TULP3: variants seen among roughly 807,000 people sequenced by gnomAD.
TULP3 encodes tubby-related protein 3.
A neutral mutation model predicts 50.7 loss-of-function variants in TULP3; 38 were observed. The observed-to-expected ratio is 0.75, with a 90% confidence interval of 0.58 to 0.98. The LOEUF is 0.98. TULP3 is among the 50% of genes least tolerant of loss of function. The pLI, the probability that TULP3 is intolerant of heterozygous loss-of-function variation, is 0.00. For missense variants in TULP3, 550 were observed against 568.0 expected (o/e 0.97, Z 0.32); for synonymous variants, 183 against 196.6 (o/e 0.93, Z 0.58).
intron 1 of TULP3, among the ~76,000 whole-genome samples, chr12:2,893,359 G>A (rs761370364): frequency 8.5e-5 from 11 of 129,230 alleles, no homozygotes; most frequent in East Asian, 2.5e-4. Flanking sequence ...ACGGAGTTTC[G>A]CTCTCGTCGC....
At chr12:2,931,461 C>G (rs571570075) in intron 6 of TULP3, among the ~76,000 whole-genome samples, 1 of 152,218 alleles carries the variant, frequency 6.6e-6, no homozygotes, top group Non-Finnish European at 1.5e-5. Context: ...GCTTTATCCA[C>G]GAAGTGGGAA....
At chr12:2,897,398 T>G (rs536917397) in intron 1 of TULP3, among the ~76,000 whole-genome samples, 3 of 152,178 alleles carry the variant, frequency 2.0e-5, no homozygotes, top group Non-Finnish European at 4.4e-5. Flanking sequence ...AGTATTATGA[T>G]GAAATCATTA....
chr12:2,898,544 A>C (rs2098176932), intron 1 of TULP3, among the ~76,000 whole-genome samples: 1 of 152,132 alleles, frequency 6.6e-6, no homozygotes, highest in South Asian at 2.1e-4. Context: ...GTTGCTCATT[A>C]CTCAGTTTTG....
intron 3 of TULP3, 70 bp from the exon 4 acceptor site, chr12:2,922,192 T>A: frequency 6.5e-7 from 1 of 1,547,236 alleles, no homozygotes; most frequent in African/African-American, 1.4e-5. Context: ...TGATCACATA[T>A]GCCAAATCTA....
At chr12:2,904,734 G>A (rs953026751) in intron 1 of TULP3, among the ~76,000 whole-genome samples, 1 of 151,786 alleles carries the variant, frequency 6.6e-6, no homozygotes, top group African/African-American at 2.4e-5. Context: ...TCTGTTTTGT[G>A]TTGATTTATT....
At chr12:2,902,981 CCTCCAGAGTAG>C (rs1240299090) in intron 1 of TULP3, among the ~76,000 whole-genome samples, 4 of 151,882 alleles carry the variant, frequency 2.6e-5, no homozygotes, top group African/African-American at 9.7e-5. Context: ...CCTGCCTCAG[CCTCCAGAGTAG>C]CTGGGACTAC....
At chr12:2,920,498 ACT>A (rs2098191006) in intron 2 of TULP3, among the ~76,000 whole-genome samples, 1 of 151,362 alleles carries the variant, frequency 6.6e-6, no homozygotes, top group Non-Finnish European at 1.5e-5. Context: ...ACTGAGTGAG[ACT>A]CTGTCTCAAA....
intron 1 of TULP3, among the ~76,000 whole-genome samples, chr12:2,906,349 G>A (rs769060523): frequency 1.5e-4 from 23 of 149,918 alleles, no homozygotes; most frequent in Admixed American, 2.7e-4. Flanking sequence ...TTTTTGAGAC[G>A]GAGTCCCGCT....
chr12:2,902,094 G>A (rs941848649), intron 1 of TULP3, among the ~76,000 whole-genome samples: 1 of 152,148 alleles, frequency 6.6e-6, no homozygotes, highest in Non-Finnish European at 1.5e-5. Context: ...GATAGGTTGA[G>A]TTGAACCAAA....
In TULP3 at chr12:2,937,640, G is replaced by A. The variant is rs368526026; in HGVS notation, c.934G>A (p.Val312Ile). Residue 312 changes from valine to isoleucine, a missense_variant, in exon 9 of 11, where the codon GTA becomes ATA. Val to Ile is a conservative substitution (Grantham distance 29). Transcript: ENST00000448120. ...TTTTCCTATCTTCCAGGAAACAAAC[G>A]TACTTGGATTTAAAGGTCCTAGGAA... ...ELAAISYETN[V>I]LGFKGPRKMS... 2.5e-6 allele frequency: 4 copies of A among 1,610,416 alleles called. No homozygotes were observed. Among genetic ancestry groups the A allele is most frequent in the Middle Eastern group, 1.6e-4 (1 of 6,078 alleles).
intron 8 of TULP3, 111 bp from the exon 9 acceptor site, chr12:2,937,520 C>A: frequency 3.7e-6 from 3 of 811,412 alleles, no homozygotes; most frequent in Non-Finnish European, 6.2e-6. Context: ...CCGGCTGATA[C>A]AGCTGATATT....
In TULP3 at chr12:2,939,277, A is replaced by G. The variant is rs1192968948; in HGVS notation, c.1196-34A>G. 4.4e-6 allele frequency: 7 copies of G among 1,602,898 alleles called. No individual in the cohort carries two copies. Among genetic ancestry groups the G allele is most frequent in the Non-Finnish European group, 6.0e-6 (7 of 1,172,174 alleles). The stretch of plus-strand genomic sequence containing the variant: ...AGATTTCCCTGAGTGCAACCACATT[A>G]TATTCTAACATGTTGATTTCTTTCT... On this transcript the variant is annotated intron_variant, in intron 10 of 10. Transcript: ENST00000448120. This position sits in a 1 kb window ranked among gnomAD's most constrained non-coding sequence, Gnocchi z 4.0.
chr12:2,897,512 C>G (rs10774076), intron 1 of TULP3, among the ~76,000 whole-genome samples: 72,341 of 151,848 alleles, frequency 0.48, 17,686 homozygotes, highest in African/African-American at 0.59. Flanking sequence ...GGCCTATAAT[C>G]CTAGCACTTA....
Position 2,920,750 on chromosome 12 carries a change from G to A in TULP3, c.94-13G>A, listed in dbSNP as rs1200016166. 5 of 1,613,226 alleles carry A rather than the reference G, an allele frequency of 3.1e-6. No homozygotes were observed. Among genetic ancestry groups the A allele is most frequent in the African/African-American group, 2.7e-5 (2 of 74,854 alleles). On this transcript the variant is annotated splice_polypyrimidine_tract_variant and intron_variant, in intron 2 of 10. Coordinates refer to ENST00000448120, the MANE Select transcript of TULP3 (RefSeq NM_003324.5). Reference sequence around the variant, plus strand: ...AACTCTCCTTGCTGGCTGTCATATCGCTTTTTTCCCAGAGGCTACTACTTG... The same window carrying A: ...AACTCTCCTTGCTGGCTGTCATATCACTTTTTTCCCAGAGGCTACTACTTG...
At chr12:2,895,481 A>T (rs1300370431) in intron 1 of TULP3, among the ~76,000 whole-genome samples, 1 of 152,166 alleles carries the variant, frequency 6.6e-6, no homozygotes, top group African/African-American at 2.4e-5. Context: ...GTCTTTTCTC[A>T]GAAGCAATAT....
chr12:2,912,779 C>G (rs549671837), intron 2 of TULP3, among the ~76,000 whole-genome samples: 1 of 152,052 alleles, frequency 6.6e-6, no homozygotes, highest in African/African-American at 2.4e-5. Context: ...TTGGTATATT[C>G]GAAATCAGAG....
In TULP3 at chr12:2,933,447, A is replaced by G. The variant is rs34730666; in HGVS notation, c.726A>G (p.Lys242=). ...TTCTTCTTGCAGCTAGAAAGCGGAA[A>G]AAGAGCAAAACAGCCAACTACCTTA... ...KIFLLAARKR[K]KSKTANYLIS... is the part of the protein sequence containing the mutation. Residue 242 remains lysine, a synonymous_variant, in exon 7 of 11, where the codon AAA becomes AAG. Transcript: ENST00000448120. 7.7e-4 allele frequency: 1,237 copies of G among 1,613,956 alleles called. 12 individuals are homozygous for G. In the African/African-American group the frequency reaches 0.015, roughly 19 times the overall value.
At chr12:2,891,010 TCTC>T (rs889162021) in intron 1 of TULP3, 22 bp downstream of exon 1, 27 of 1,567,784 alleles carry the variant, frequency 1.7e-5, no homozygotes, top group African/African-American at 5.5e-5. Context: ...CCGTGGCAGG[TCTC>T]CTCCTGAGCG....
At chr12:2,892,111 T>C (rs563754635) in intron 1 of TULP3, among the ~76,000 whole-genome samples, 1 of 152,068 alleles carries the variant, frequency 6.6e-6, no homozygotes, top group South Asian at 2.1e-4. Context: ...CGTGTAAGTA[T>C]TTAGTTTGAT....
Sources: allele counts gnomAD v4.1 joint callset (sites outside exome capture counted in the v4.1 genomes callset), GRCh38; gene constraint gnomAD v4.1.1; non-coding constraint Gnocchi (gnomAD v3.1); transcripts MANE v1.5; gene names NCBI Gene and HGNC (gene_info 2026-07-23, HGNC 2026-07-21).